The following VIRMA variants were observed in gnomAD, a reference collection of about 807,000 sequenced individuals.
The protein encoded by VIRMA is protein virilizer homolog.
VIRMA carries 65 observed loss-of-function variants against 182.4 expected under a neutral mutation model. The observed-to-expected ratio is 0.36, with a 90% confidence interval of 0.29 to 0.44. The LOEUF (loss-of-function observed/expected upper bound fraction) is 0.44. VIRMA is among the 20% of genes least tolerant of loss of function. The pLI, the probability that VIRMA is intolerant of heterozygous loss-of-function variation, is 1.00. For missense variants in VIRMA, 1,752 were observed against 2,158.1 expected (o/e 0.81, Z 3.73); for synonymous variants, 709 against 743.1 (o/e 0.95, Z 0.75).
rs556768796 is a variant in VIRMA, at chr8:94,503,104, A to T, written c.4097+3396T>A. Among the ~76,000 whole-genome samples the T allele has an allele frequency of 3.9e-5, 6 of 152,270 alleles. No homozygotes were observed. In the South Asian group the frequency reaches 1.2e-3, roughly 32 times the overall value. On this transcript the variant is annotated intron_variant, in intron 16 of 23. Transcript: ENST00000297591. ...GTAAGTAAAAAGGAATGAAGGGAATAGAAAATCACCATTACACCACCACAG... is the reference window on the plus strand; with the variant it reads ...GTAAGTAAAAAGGAATGAAGGGAATTGAAAATCACCATTACACCACCACAG...
intron 15 of VIRMA, among the ~76,000 whole-genome samples, 172 bp from the exon 16 acceptor site, chr8:94,506,889 C>G (rs918815258): frequency 3.9e-5 from 6 of 151,990 alleles, no homozygotes; most frequent in Admixed American, 3.3e-4. Context: ...TTACTTTTCC[C>G]TTTTAAAAAA....
At chr8:94,514,988 G>A (rs894707157) in intron 10 of VIRMA, 37 bp from the exon 11 acceptor site, 1 of 1,037,496 alleles carries the variant, frequency 9.6e-7, no homozygotes, top group African/African-American at 1.6e-5. Flanking sequence ...TTTAAAAATA[G>A]AAGGCTTTAT....
At chr8:94,512,139 A>G (rs769775861) in intron 11 of VIRMA, 50 bp from the exon 12 acceptor site, 2 of 864,130 alleles carry the variant, frequency 2.3e-6, no homozygotes, top group South Asian at 6.6e-5. Flanking sequence ...TACCCATGAG[A>G]TCAACAGAAA....
chr8:94,504,827 C>T (rs1488182285), intron 16 of VIRMA, among the ~76,000 whole-genome samples: 2 of 151,994 alleles, frequency 1.3e-5, no homozygotes, highest in Non-Finnish European at 2.9e-5. Flanking sequence ...TAATGGGTTA[C>T]TTGGAGCTTA....
intron 1 of VIRMA, among the ~76,000 whole-genome samples, chr8:94,551,948 T>A (rs904766533): frequency 1.3e-5 from 2 of 152,192 alleles, no homozygotes; most frequent in Non-Finnish European, 2.9e-5. Flanking sequence ...CTCAAACTCC[T>A]GGACTCAAGC....
intron 2 of VIRMA, among the ~76,000 whole-genome samples, chr8:94,542,068 A>G (rs935986869): frequency 6.6e-6 from 1 of 152,224 alleles, no homozygotes; most frequent in Non-Finnish European, 1.5e-5. Context: ...TTGCTATGGT[A>G]GCCAGTCCCT....
At chr8:94,522,658 G>A (rs1190041927) in intron 8 of VIRMA, among the ~76,000 whole-genome samples, 1 of 152,036 alleles carries the variant, frequency 6.6e-6, no homozygotes, top group Admixed American at 6.6e-5. Context: ...CCAAGTCCTA[G>A]TACTATTATA....
chr8:94,507,939 GTA>G (rs1491219917), intron 15 of VIRMA, among the ~76,000 whole-genome samples: 3 of 79,584 alleles, frequency 3.8e-5, no homozygotes, highest in Admixed American at 1.2e-4. Flanking sequence ...GTACATATGT[GTA>G]TATGTGTATA....
chr8:94,546,928 C>A (rs1815790913), intron 1 of VIRMA: 1 of 455,384 alleles, frequency 2.2e-6, no homozygotes, highest in Non-Finnish European at 4.4e-6. Flanking sequence ...AAACTTATAT[C>A]CCTAGCTTAC....
chr8:94,531,213 T>C, intron 5 of VIRMA, 128 bp from the exon 6 acceptor site: 1 of 1,036,924 alleles, frequency 9.6e-7, no homozygotes, highest in Non-Finnish European at 1.3e-6. Context: ...TAAAATATGG[T>C]ATTTGAGGGA....
intron 1 of VIRMA, among the ~76,000 whole-genome samples, chr8:94,546,166 G>A (rs1319552842): frequency 6.6e-6 from 1 of 150,926 alleles, no homozygotes; most frequent in Non-Finnish European, 1.5e-5. Flanking sequence ...ACAACCAACA[G>A]AATTACAAAA....
rs1162030319 is a variant in VIRMA at position 94,543,401 on chromosome 8, C to CAAA, written c.179+423_179+425dup. On this transcript the variant is annotated intron_variant, in intron 2 of 23. Transcript: ENST00000297591. Reference sequence around the variant, plus strand: ...GGACAACAGGAGCAAAACTCCATCTCAAAAAAAAAAAAAAAAAAAAAAAGG... The same window carrying CAAA: ...GGACAACAGGAGCAAAACTCCATCTCAAAAAAAAAAAAAAAAAAAAAAAAAAGG... Among the ~76,000 whole-genome samples the CAAA allele has an allele frequency of 9.1e-4, 39 of 43,086 alleles. 1 individual carries two copies. Among genetic ancestry groups the CAAA allele is most frequent in the South Asian group, 1.6e-3 (2 of 1,216 alleles). 28.3% of individuals were successfully genotyped at this position (43,086 alleles called of 152,430 possible). A position where few individuals can be genotyped will look rare whatever the true frequency, so the allele number is the denominator to read the frequency against.
chr8:94,534,716 T>A, intron 5 of VIRMA, 123 bp downstream of exon 5: 5 of 1,018,292 alleles, frequency 4.9e-6, no homozygotes, highest in Non-Finnish European at 7.0e-6. Context: ...TCCCCCTCTC[T>A]TCCTCTCTCC....
chr8:94,549,569 A>G (rs375145159), intron 1 of VIRMA, among the ~76,000 whole-genome samples: 39 of 152,208 alleles, frequency 2.6e-4, no homozygotes, highest in Admixed American at 2.4e-3. Flanking sequence ...TAACTACCCT[A>G]TCTCCTTCAC....
At chr8:94,538,638 C>T (rs899264706) in intron 2 of VIRMA, among the ~76,000 whole-genome samples, 9 of 151,876 alleles carry the variant, frequency 5.9e-5, no homozygotes, top group African/African-American at 1.9e-4. Context: ...TACAGAGTTT[C>T]GCTCTTGTTA....
Position 94,543,949 on chromosome 8 carries a change from CAA to C in VIRMA, c.64-9_64-8del. 6.9e-7 allele frequency: 1 copy of C among 1,439,014 alleles called. No homozygotes were observed. Among genetic ancestry groups the C allele is most frequent in the Non-Finnish European group, 9.5e-7 (1 of 1,052,350 alleles). The allele number at this position is 1,439,014 out of a possible 1,614,324, so 89.1% of individuals were successfully genotyped here. A position where few individuals can be genotyped will look rare whatever the true frequency, so the allele number is the denominator to read the frequency against. On this transcript the variant is annotated splice_region_variant and splice_polypyrimidine_tract_variant and intron_variant, in intron 1 of 23. Coordinates refer to ENST00000297591, the MANE Select transcript of VIRMA (RefSeq NM_015496.5). Reference sequence around the variant, plus strand: ...CATCTATATGAGAACTTTGCTGTAACAAAAAAAAAGCCGGAGGGGGAGGGGTT... The same window carrying C: ...CATCTATATGAGAACTTTGCTGTAACAAAAAAAGCCGGAGGGGGAGGGGTT...
intron 8 of VIRMA, among the ~76,000 whole-genome samples, chr8:94,524,001 G>A (rs187994107): frequency 0.027 from 4,032 of 150,314 alleles, 193 homozygotes; most frequent in African/African-American, 0.093. Flanking sequence ...TTTGTTACTT[G>A]TTTATTTATT....
At chr8:94,530,840 T>C in intron 6 of VIRMA, 123 bp downstream of exon 6, 2 of 946,084 alleles carry the variant, frequency 2.1e-6, no homozygotes, top group Non-Finnish European at 3.0e-6. Context: ...TAAGCCCAGG[T>C]GGTCAAGACT....
At chr8:94,522,868 C>A (rs1814820565) in intron 8 of VIRMA, among the ~76,000 whole-genome samples, 1 of 152,148 alleles carries the variant, frequency 6.6e-6, no homozygotes, top group South Asian at 2.1e-4. Context: ...CATATCAGAT[C>A]TGCTACTCCA....
Sources: gnomAD v4.1 joint callset for allele counts (sites outside exome capture counted in the v4.1 genomes callset) on GRCh38, gnomAD v4.1.1 for gene constraint, MANE v1.5 for transcripts, NCBI Gene and HGNC (gene_info 2026-07-23, HGNC 2026-07-21) for gene names.